Variants in HVCN1 observed in about 807,000 individuals in gnomAD.
The protein encoded by HVCN1 is hydrogen voltage gated channel 1.
A neutral mutation model predicts 29.2 loss-of-function variants in HVCN1; 14 were observed. The ratio of observed to expected loss-of-function variants is 0.48; its 90% confidence interval spans 0.32 to 0.75. The LOEUF is 0.75. Ranked by LOEUF, HVCN1 falls within the 30% of genes least tolerant of loss-of-function variation. The pLI, the probability that HVCN1 is intolerant of heterozygous loss-of-function variation, is 0.04. For missense variants in HVCN1, 263 were observed against 341.8 expected (o/e 0.77, Z 1.82); for synonymous variants, 131 against 133.2 (o/e 0.98, Z 0.11).
intron 5 of HVCN1, among the ~76,000 whole-genome samples, chr12:110,653,156 CTAGAT>C (rs1245107200): frequency 6.6e-6 from 1 of 152,118 alleles, no homozygotes; most frequent in Non-Finnish European, 1.5e-5. Flanking sequence ...GAGGATTTCT[CTAGAT>C]TAAGAAAGCC....
chr12:110,703,834 G>A (rs11834312), intron 1 of HVCN1, among the ~76,000 whole-genome samples: 3,825 of 152,054 alleles, frequency 0.025, 139 homozygotes, highest in African/African-American at 0.082. Flanking sequence ...ATAGGCGTGC[G>A]CCACCATGCC....
chr12:110,680,293 G>T (rs1284520439), intron 3 of HVCN1, among the ~76,000 whole-genome samples: 1 of 152,022 alleles, frequency 6.6e-6, no homozygotes, highest in African/African-American at 2.4e-5. Flanking sequence ...GTTCCCCAAG[G>T]TGTGTCCCTG....
intron 2 of HVCN1, among the ~76,000 whole-genome samples, chr12:110,684,062 G>A (rs931581239): frequency 6.6e-6 from 1 of 151,862 alleles, no homozygotes; most frequent in Non-Finnish European, 1.5e-5. Context: ...TGAAATGTCC[G>A]GAACAGGATA....
upstream of HVCN1, among the ~76,000 whole-genome samples, chr12:110,693,315 C>T (rs904045308): frequency 2.6e-5 from 4 of 151,874 alleles, no homozygotes; most frequent in Non-Finnish European, 5.9e-5. Flanking sequence ...AGGCTGAGGC[C>T]GGTGGATCAC....
Position 110,649,479 on chromosome 12 carries a change from T to C in HVCN1, c.757-4A>G, listed in dbSNP as rs1340539345. ...TAAGTCTTTCAATTTCTTGTTCCTA[T>C]TGCAAAAGCAGACAAACACTGGAAT... On this transcript the variant is annotated splice_region_variant and splice_polypyrimidine_tract_variant and intron_variant, in intron 7 of 7. Coordinates refer to ENST00000242607, the MANE Select transcript of HVCN1 (RefSeq NM_032369.4). 6 of 1,597,808 alleles carry C rather than the reference T, an allele frequency of 3.8e-6. No individual in the cohort carries two copies. Among genetic ancestry groups the C allele is most frequent in the Non-Finnish European group, 5.1e-6 (6 of 1,168,970 alleles).
At chr12:110,683,497 G>C (rs1018133) in intron 2 of HVCN1, among the ~76,000 whole-genome samples, 22,071 of 152,172 alleles carry the variant, frequency 0.15, 2,196 homozygotes, top group African/African-American at 0.28. Context: ...AAGTTCATAG[G>C]CTTTCACAGC....
chr12:110,661,103 C>G lies in HVCN1; in HGVS notation c.306+61G>C. ...AAATGGGCTCAGCCTGGCCGCCTGC[C>G]TCACATTCCCCGATGGCTCTCCTGC... On this transcript the variant is annotated intron_variant, in intron 4 of 7. Transcript: ENST00000242607. This position sits in a 1 kb window ranked among gnomAD's most constrained non-coding sequence, Gnocchi z 6.2. 6.6e-7 allele frequency: 1 copy of G among 1,506,796 alleles called. No individual in the cohort carries two copies. The highest frequency in any genetic ancestry group is 9.0e-7 in the Non-Finnish European group (1 of 1,112,746). The allele number at this position is 1,506,796 out of a possible 1,614,324, so 93.3% of individuals were successfully genotyped here.
At position 110,661,530 on chromosome 12, in the gene HVCN1, G is replaced by A; in HGVS notation, c.22-82C>T. 1 of 1,399,462 alleles carries A rather than the reference G, an allele frequency of 7.1e-7. No individual in the cohort carries two copies. Among genetic ancestry groups the A allele is most frequent in the Non-Finnish European group, 9.8e-7 (1 of 1,015,802 alleles). The allele number at this position is 1,399,462 out of a possible 1,614,324, so 86.7% of individuals were successfully genotyped here. The stretch of plus-strand genomic sequence containing the variant: ...ATGGCCCAGGCCGGGCCAGGCCACT[G>A]CAGGTGAAGATGGTCCCGGGTGCGT... On this transcript the variant is annotated intron_variant, in intron 3 of 7. Coordinates refer to ENST00000242607, the MANE Select transcript of HVCN1 (RefSeq NM_032369.4). The surrounding 1 kb of genome is among the most constrained non-coding windows in gnomAD (Gnocchi z 6.2).
chr12:110,668,942 C>T (rs1486891620), intron 3 of HVCN1, among the ~76,000 whole-genome samples: 1 of 152,070 alleles, frequency 6.6e-6, no homozygotes, highest in Non-Finnish European at 1.5e-5. Context: ...CATGTCCCTG[C>T]CCCATACCAG....
intron 3 of HVCN1, among the ~76,000 whole-genome samples, chr12:110,670,582 G>T (rs2068542262): frequency 6.6e-6 from 1 of 152,142 alleles, no homozygotes; most frequent in Non-Finnish European, 1.5e-5. Flanking sequence ...TCCTGGTGAG[G>T]GGGGGCCTTG....
chr12:110,696,214 A>C (rs2069488770), intron 2 of HVCN1, among the ~76,000 whole-genome samples: 1 of 151,852 alleles, frequency 6.6e-6, no homozygotes, highest in Admixed American at 6.6e-5. Context: ...TTGACCTCCC[A>C]AAATGCTGGG....
chr12:110,703,977 G>A (rs1002830859), intron 1 of HVCN1, among the ~76,000 whole-genome samples: 1 of 152,136 alleles, frequency 6.6e-6, no homozygotes, highest in Admixed American at 6.6e-5. Flanking sequence ...GAGTCATCAC[G>A]CCTGGCCTAT....
rs2068743326 is a variant in HVCN1, at chr12:110,676,083, A to C, written c.21+7142T>G. On this transcript the variant is annotated intron_variant, in intron 3 of 7. Coordinates refer to ENST00000242607, the MANE Select transcript of HVCN1 (RefSeq NM_032369.4). The surrounding 1 kb of genome is among the most constrained non-coding windows in gnomAD (Gnocchi z 4.1). ...TGCTGCTTCCTGGTCCAGGGTCTTA[A>C]CACCACCCAGGCAGGGCCAGAGCGG... Among the ~76,000 whole-genome samples the C allele has an allele frequency of 6.6e-6, 1 of 152,086 alleles. No individual in the cohort carries two copies. The highest frequency in any genetic ancestry group is 2.1e-4 in the South Asian group (1 of 4,830).
intron 3 of HVCN1, among the ~76,000 whole-genome samples, chr12:110,672,173 G>T (rs7955327): frequency 0.017 from 2,538 of 152,170 alleles, 64 homozygotes; most frequent in African/African-American, 0.058. Flanking sequence ...TCATTTTGTT[G>T]TTCAGGCTGG....
At chr12:110,682,355 A>G (rs577691485) in intron 3 of HVCN1, among the ~76,000 whole-genome samples, 93 of 152,084 alleles carry the variant, frequency 6.1e-4, no homozygotes, top group African/African-American at 2.2e-3. Context: ...GCATGTCACC[A>G]CGCCTGGCTA....
intron 4 of HVCN1, among the ~76,000 whole-genome samples, chr12:110,660,653 C>T (rs1287026898): frequency 1.3e-5 from 2 of 152,152 alleles, no homozygotes; most frequent in African/African-American, 4.8e-5. Flanking sequence ...GGTTGTGTAA[C>T]CATCACCACT....
At chr12:110,669,889 C>G (rs1198154482) in intron 3 of HVCN1, among the ~76,000 whole-genome samples, 3 of 152,124 alleles carry the variant, frequency 2.0e-5, no homozygotes, top group African/African-American at 7.2e-5. Flanking sequence ...AACCCCATCT[C>G]TACTAAAAAT....
intron 6 of HVCN1, among the ~76,000 whole-genome samples, chr12:110,650,735 C>G (rs1010720242): frequency 6.6e-6 from 1 of 150,720 alleles, no homozygotes; most frequent in African/African-American, 2.4e-5. Flanking sequence ...GGCTCTGTCA[C>G]CCAGGCTAGA....
chr12:110,678,220 C>A (rs536197274), intron 3 of HVCN1, among the ~76,000 whole-genome samples: 1 of 152,168 alleles, frequency 6.6e-6, no homozygotes, highest in Non-Finnish European at 1.5e-5. Context: ...CCAGCTCCCC[C>A]TCCTCCTGCG....
Sources: allele counts gnomAD v4.1 joint callset (sites outside exome capture counted in the v4.1 genomes callset), GRCh38; gene constraint gnomAD v4.1.1; non-coding constraint Gnocchi (gnomAD v3.1); transcripts MANE v1.5; gene names NCBI Gene and HGNC (gene_info 2026-07-23, HGNC 2026-07-21).